Variants in MYO16 observed in about 807,000 individuals in gnomAD.
MYO16 encodes myosin XVI.
A neutral mutation model predicts 205.3 loss-of-function variants in MYO16; 94 were observed. The observed-to-expected ratio is 0.46, with a 90% CI of 0.39 to 0.54. The LOEUF is 0.54. Ranked by LOEUF, MYO16 falls within the 20% of genes least tolerant of loss-of-function variation. MYO16 has a pLI of 0.00. For missense variants in MYO16, 2,315 were observed against 2,387.5 expected (o/e 0.97, Z 0.63); for synonymous variants, 988 against 954.0 (o/e 1.04, Z -0.66).
At chr13:108,495,973 G>T in the MYO16 span, among the ~76,000 whole-genome samples, 1 of 152,154 alleles carries the variant, frequency 6.6e-6, no homozygotes, top group African/African-American at 2.4e-5. Context: ...CGGGGAACGC[G>T]GCGGGGCAGC....
rs115019213 is a variant in MYO16, at chr13:108,953,749, T to A, written c.1926-3939T>A. On this transcript the variant is annotated intron_variant, in intron 16 of 34. Coordinates refer to ENST00000457511, the MANE Select transcript of MYO16 (RefSeq NM_001198950.3). ...CCAAAAAATAAACATGTAGTTTTTT[T>A]AATTCCCATTTTAAGATATAGTTTT... Among the ~76,000 whole-genome samples, 1,036 of 152,318 alleles carry A rather than the reference T, an allele frequency of 6.8e-3. 11 individuals carry two copies. The highest frequency in any genetic ancestry group is 0.022 in the African/African-American group (932 of 41,574).
rs1566468111 is a variant in MYO16 at position 109,023,633 on chromosome 13, A to ATATATGTATATATG, written c.2796+3727_2796+3728insGTATATATGTATAT. 3.6e-3 allele frequency among the ~76,000 whole-genome samples: 396 copies of ATATATGTATATATG among 109,470 alleles called. 12 individuals are homozygous for ATATATGTATATATG. The highest frequency in any genetic ancestry group is 0.013 in the African/African-American group (380 of 30,378). The allele number at this position is 109,470 out of a possible 152,430, so 71.8% of individuals were successfully genotyped here. On this transcript the variant is annotated intron_variant, in intron 23 of 34. Transcript: ENST00000457511. The stretch of plus-strand genomic sequence containing the variant: ...TTTATATATACAAATATATAGACAA[A>ATATATGTATATATG]TATATATACAAATATATGTATATAT...
At chr13:109,202,478 T>A (rs980475145) in intron 34 of MYO16, among the ~76,000 whole-genome samples, 1 of 152,218 alleles carries the variant, frequency 6.6e-6, no homozygotes, top group Admixed American at 6.5e-5. Flanking sequence ...TTTTTTCATA[T>A]GTTTGTTGGG....
chr13:108,904,625 T>C (rs1281042312), intron 15 of MYO16, among the ~76,000 whole-genome samples: 2 of 152,170 alleles, frequency 1.3e-5, no homozygotes, highest in African/African-American at 2.4e-5. Context: ...TAACATGCAA[T>C]AAAGTATTTT....
intron 9 of MYO16, among the ~76,000 whole-genome samples, chr13:108,825,380 G>C (rs1876195561): frequency 1.3e-5 from 2 of 151,580 alleles, no homozygotes; most frequent in Non-Finnish European, 2.9e-5. Context: ...AAGAATGGCA[G>C]GAAATTTTCT....
chr13:109,187,959 C>G (rs544184300), intron 34 of MYO16, among the ~76,000 whole-genome samples: 4 of 152,338 alleles, frequency 2.6e-5, no homozygotes, highest in African/African-American at 7.2e-5. Context: ...AAGTCTCCAA[C>G]TATACTGTGG....
At chr13:108,713,017 CTTTCT>C (rs1466466877) in intron 3 of MYO16, among the ~76,000 whole-genome samples, 1 of 151,990 alleles carries the variant, frequency 6.6e-6, no homozygotes, top group East Asian at 1.9e-4. Context: ...GGCAATCATC[CTTTCT>C]TTTTTCCTAC....
intron 20 of MYO16, among the ~76,000 whole-genome samples, chr13:108,985,568 C>T (rs1053123944): frequency 2.6e-5 from 4 of 152,134 alleles, no homozygotes; most frequent in African/African-American, 7.2e-5. Flanking sequence ...AAAAATACGG[C>T]GGTCAGTGTA....
At chr13:108,983,522 C>A (rs1015529604) in intron 20 of MYO16, among the ~76,000 whole-genome samples, 1 of 152,120 alleles carries the variant, frequency 6.6e-6, no homozygotes, top group Non-Finnish European at 1.5e-5. Context: ...GTTTGGTTGG[C>A]CATAGAACTG....
chr13:108,853,658 A>C (rs1309096772), intron 10 of MYO16, among the ~76,000 whole-genome samples: 2 of 144,880 alleles, frequency 1.4e-5, no homozygotes, highest in African/African-American at 2.6e-5. Context: ...GTGTAGTGGC[A>C]CTATCATGAC....
chr13:109,153,194 G>T (rs923781359), intron 32 of MYO16, among the ~76,000 whole-genome samples: 8 of 152,062 alleles, frequency 5.3e-5, no homozygotes, highest in Admixed American at 2.0e-4. Context: ...TCACAAATAT[G>T]TCCTCTGAAA....
intron 4 of MYO16, among the ~76,000 whole-genome samples, chr13:108,755,968 T>A (rs1355961324): frequency 1.3e-5 from 2 of 152,202 alleles, no homozygotes; most frequent in South Asian, 2.1e-4. Context: ...TTCTGTGTTA[T>A]ATTGTGGCAC....
At chr13:108,745,697 A>C (rs1262738212) in intron 4 of MYO16, among the ~76,000 whole-genome samples, 1 of 152,194 alleles carries the variant, frequency 6.6e-6, no homozygotes, top group African/African-American at 2.4e-5. Context: ...TATAAAAAAA[A>C]CATCAGAACC....
At position 109,162,668 on chromosome 13, in the gene MYO16, G is replaced by A. The variant is rs964930480; in HGVS notation, c.5165-2233G>A. Reference sequence around the variant, plus strand: ...GAGAGAAGCTCCCAGGTACCAGGCAGTGGTATTCATTATGTATCTCCCGCA... The same window carrying A: ...GAGAGAAGCTCCCAGGTACCAGGCAATGGTATTCATTATGTATCTCCCGCA... On this transcript the variant is annotated intron_variant, in intron 32 of 34. Transcript: ENST00000457511. The surrounding 1 kb of genome is among the most constrained non-coding windows in gnomAD (Gnocchi z 4.6). 6.6e-6 allele frequency among the ~76,000 whole-genome samples: 1 copy of A among 152,176 alleles called. No homozygotes were observed. Among genetic ancestry groups the A allele is most frequent in the Non-Finnish European group, 1.5e-5 (1 of 68,042 alleles).
chr13:108,518,679 A>G, the MYO16 span, among the ~76,000 whole-genome samples: 1 of 152,328 alleles, frequency 6.6e-6, no homozygotes, highest in East Asian at 1.9e-4. Flanking sequence ...TGAAGAAGTG[A>G]TAAAGTCAAA....
the MYO16 span, among the ~76,000 whole-genome samples, chr13:108,546,573 G>A: frequency 6.6e-6 from 1 of 152,088 alleles, no homozygotes; most frequent in South Asian, 2.1e-4. Context: ...AATTTCCACA[G>A]TTGCTCTCTG....
At chr13:108,756,994 T>C (rs944264116) in intron 4 of MYO16, among the ~76,000 whole-genome samples, 3 of 152,232 alleles carry the variant, frequency 2.0e-5, no homozygotes, top group Non-Finnish European at 2.9e-5. Context: ...GTATCTGTTC[T>C]TTAAATCACA....
At chr13:108,496,812 TGGA>T in the MYO16 span, among the ~76,000 whole-genome samples, 1 of 152,158 alleles carries the variant, frequency 6.6e-6, no homozygotes, top group South Asian at 2.1e-4. Context: ...TATTAGCCAT[TGGA>T]GGAGGAGCGG....
chr13:108,836,125 G>A (rs917390364), intron 9 of MYO16, among the ~76,000 whole-genome samples: 1 of 152,170 alleles, frequency 6.6e-6, no homozygotes, highest in Non-Finnish European at 1.5e-5. Flanking sequence ...GCTGAGCCCA[G>A]GACCTCACTG....
Sources: allele counts gnomAD v4.1 joint callset (sites outside exome capture counted in the v4.1 genomes callset), GRCh38; gene constraint gnomAD v4.1.1; non-coding constraint Gnocchi (gnomAD v3.1); transcripts MANE v1.5; gene names NCBI Gene and HGNC (gene_info 2026-07-23, HGNC 2026-07-21).